FUT8: variants seen among roughly 807,000 people sequenced by gnomAD.
FUT8 encodes the protein fucosyltransferase 8.
A neutral mutation model predicts 71.3 loss-of-function variants in FUT8; 29 were observed. The observed-to-expected ratio is 0.41, with a 90% CI of 0.30 to 0.55. The LOEUF is 0.55. Among genes scored for constraint, FUT8 ranks in the 20% least tolerant of loss-of-function variants. The pLI is 0.34. For synonymous variants in FUT8, 254 were observed against 239.3 expected (o/e 1.06, Z -0.57); for missense variants, 544 against 702.1 (o/e 0.77, Z 2.55).
At chr14:65,713,594 G>T (rs756327592) in intron 7 of FUT8, among the ~76,000 whole-genome samples, 14 of 152,000 alleles carry the variant, frequency 9.2e-5, no homozygotes, top group Non-Finnish European at 1.8e-4. Context: ...ATTTTTTCTG[G>T]GGTTAAATGA....
chr14:65,629,129 A>G (rs1157784526), intron 5 of FUT8, among the ~76,000 whole-genome samples: 3 of 152,236 alleles, frequency 2.0e-5, no homozygotes, highest in African/African-American at 7.2e-5. Context: ...GAGAGAACCA[A>G]GAGGTACTAA....
intron 3 of FUT8, among the ~76,000 whole-genome samples, chr14:65,575,223 G>T (rs944335229): frequency 3.9e-5 from 6 of 151,918 alleles, no homozygotes; most frequent in Non-Finnish European, 5.9e-5. Context: ...TCGTTGTGAA[G>T]TTCCTTTCCT....
chr14:65,573,017 C>G lies in FUT8; in HGVS notation c.203+11251C>G, dbSNP rs977451934. Among the ~76,000 whole-genome samples, 13 of 152,272 alleles carry G rather than the reference C, an allele frequency of 8.5e-5. No homozygotes were observed. In the South Asian group the frequency reaches 2.7e-3, roughly 32 times the overall value. Reference sequence around the variant, plus strand: ...TACACATTTACCATTGAAAACCTGTCTGTCCTGATGGACTCTGATATTTGG... The same window carrying G: ...TACACATTTACCATTGAAAACCTGTGTGTCCTGATGGACTCTGATATTTGG... On this transcript the variant is annotated intron_variant, in intron 3 of 10. Transcript: ENST00000673929.
chr14:65,361,649 G>A, the FUT8 span, among the ~76,000 whole-genome samples: 38 of 152,056 alleles, frequency 2.5e-4, no homozygotes, highest in African/African-American at 2.4e-4. Context: ...TTAGCCGGGC[G>A]TGGTGGCATG....
intron 2 of FUT8, among the ~76,000 whole-genome samples, chr14:65,473,273 C>T (rs969071150): frequency 6.6e-6 from 1 of 152,064 alleles, no homozygotes; most frequent in Admixed American, 6.6e-5. Context: ...GTACATTTAG[C>T]TTTTCCATGT....
intron 6 of FUT8, among the ~76,000 whole-genome samples, chr14:65,639,386 ATATACT>A (rs1890722966): frequency 1.3e-5 from 2 of 152,096 alleles, no homozygotes; most frequent in Admixed American, 1.3e-4. Flanking sequence ...AAGTATTTGG[ATATACT>A]GGGCATTAGG....
At chr14:65,426,719 T>G (rs2065393884) in intron 1 of FUT8, among the ~76,000 whole-genome samples, 1 of 152,178 alleles carries the variant, frequency 6.6e-6, no homozygotes, top group Non-Finnish European at 1.5e-5. Flanking sequence ...ACACCTGCTG[T>G]TTTTCAAGTG....
intron 2 of FUT8, among the ~76,000 whole-genome samples, chr14:65,475,405 G>A (rs1013381383): frequency 1.3e-5 from 2 of 152,050 alleles, no homozygotes; most frequent in African/African-American, 4.8e-5. Context: ...CTCAATTCTA[G>A]TTCCTGGGCA....
At chr14:65,618,039 A>G (rs190935712) in intron 5 of FUT8, among the ~76,000 whole-genome samples, 2 of 106,180 alleles carry the variant, frequency 1.9e-5, no homozygotes. Flanking sequence ...ATATATATAT[A>G]TATATATATA....
At chr14:65,391,500 C>A in the FUT8 span, among the ~76,000 whole-genome samples, 1 of 152,144 alleles carries the variant, frequency 6.6e-6, no homozygotes, top group Non-Finnish European at 1.5e-5. Flanking sequence ...GGACTACAGG[C>A]AAATGCCACC....
chr14:65,508,503 T>TG (rs1295872118), intron 2 of FUT8, among the ~76,000 whole-genome samples: 1 of 131,338 alleles, frequency 7.6e-6, no homozygotes, highest in Non-Finnish European at 1.6e-5. Context: ...TTTTTTTTTT[T>TG]TTTTTTTTTT....
chr14:65,725,334 C>T (rs1895623836), intron 9 of FUT8, among the ~76,000 whole-genome samples: 1 of 152,094 alleles, frequency 6.6e-6, no homozygotes, highest in South Asian at 2.1e-4. Context: ...GGGCAATAAA[C>T]AATTACCCTA....
At chr14:65,383,260 C>CTTTTTTT in the FUT8 span, among the ~76,000 whole-genome samples, 1 of 95,820 alleles carries the variant, frequency 1.0e-5, no homozygotes, top group African/African-American at 4.0e-5. Flanking sequence ...TTTTCTTTTT[C>CTTTTTTT]TTTTCTTTTT....
chr14:65,413,976 C>T lies in FUT8; in HGVS notation c.-326+762C>T, dbSNP rs2065181590. Among the ~76,000 whole-genome samples the T allele has an allele frequency of 6.6e-6, 1 of 152,038 alleles. No homozygotes were observed. The highest frequency in any genetic ancestry group is 1.5e-5 in the Non-Finnish European group (1 of 68,014). ...TGGCAGTGTCATGCTTAGGGTTTGTCCCGGATGAGCTTTTATTTTAGCATT... is the reference window on the plus strand; with the variant it reads ...TGGCAGTGTCATGCTTAGGGTTTGTTCCGGATGAGCTTTTATTTTAGCATT... On this transcript the variant is annotated intron_variant, in intron 1 of 10. Transcript: ENST00000673929. The surrounding 1 kb of genome is among the most constrained non-coding windows in gnomAD (Gnocchi z 4.1).
intron 3 of FUT8, among the ~76,000 whole-genome samples, chr14:65,608,694 T>C (rs1888717972): frequency 6.6e-6 from 1 of 151,924 alleles, no homozygotes; most frequent in Admixed American, 6.6e-5. Flanking sequence ...GCTTTTAAAA[T>C]AGGAATGAGG....
rs754639274 is a variant in FUT8, at chr14:65,653,628, G to A, written c.598-15615G>A. Among the ~76,000 whole-genome samples, 14 of 152,218 alleles carry A rather than the reference G, an allele frequency of 9.2e-5. No homozygotes were observed. In the South Asian group the frequency reaches 1.5e-3, roughly 16 times the overall value. On this transcript the variant is annotated intron_variant, in intron 6 of 10. Coordinates refer to ENST00000673929, the MANE Select transcript of FUT8 (RefSeq NM_001371533.1). Reference sequence around the variant, plus strand: ...TTGAGAGCAGCCAGAGAGAAGCAGCGCATTAATTGTAGAGGAACAATTTGA... The same window carrying A: ...TTGAGAGCAGCCAGAGAGAAGCAGCACATTAATTGTAGAGGAACAATTTGA...
At position 65,532,079 on chromosome 14, in the gene FUT8, C is replaced by T. The variant is rs576784050; in HGVS notation, c.-227-29258C>T. Among the ~76,000 whole-genome samples the T allele has an allele frequency of 8.5e-5, 13 of 152,168 alleles. 1 individual carries two copies. In the South Asian group the frequency reaches 1.0e-3, roughly 12 times the overall value. Reference sequence around the variant, plus strand: ...CTATTGCAAATAGTGCTTCTGTGAACGTAGGCATGCATGTGTCTTTATGAT... The same window carrying T: ...CTATTGCAAATAGTGCTTCTGTGAATGTAGGCATGCATGTGTCTTTATGAT... On this transcript the variant is annotated intron_variant, in intron 2 of 10. Coordinates refer to ENST00000673929, the MANE Select transcript of FUT8 (RefSeq NM_001371533.1).
At chr14:65,708,575 T>C (rs1894669325) in intron 7 of FUT8, among the ~76,000 whole-genome samples, 1 of 152,224 alleles carries the variant, frequency 6.6e-6, no homozygotes, top group Non-Finnish European at 1.5e-5. Flanking sequence ...TTAAATTTCC[T>C]CCTGTTTTAT....
intron 6 of FUT8, among the ~76,000 whole-genome samples, chr14:65,664,225 T>A (rs949235145): frequency 5.3e-5 from 8 of 152,084 alleles, no homozygotes; most frequent in African/African-American, 1.9e-4. Context: ...ATCAACTGAG[T>A]CAATAATAAA....
Sources: allele counts gnomAD v4.1 joint callset (sites outside exome capture counted in the v4.1 genomes callset), GRCh38; gene constraint gnomAD v4.1.1; non-coding constraint Gnocchi (gnomAD v3.1); transcripts MANE v1.5; gene names NCBI Gene and HGNC (gene_info 2026-07-23, HGNC 2026-07-21).